Variants in SLAIN1 observed in about 807,000 individuals in gnomAD.
SLAIN1 encodes SLAIN motif-containing protein 1.
Under a neutral mutation model 55.4 loss-of-function variants are expected in SLAIN1, and 17 were observed. That is an observed-to-expected ratio of 0.31 (90% CI 0.21 to 0.46). The LOEUF (loss-of-function observed/expected upper bound fraction) is 0.46. SLAIN1 is among the 20% of genes least tolerant of loss of function. The probability of loss-of-function intolerance (pLI) is 1.00; values close to 1 mark genes in which losing one functional copy is unlikely to be tolerated. For synonymous variants in SLAIN1, 348 were observed against 337.4 expected, an observed-to-expected ratio of 1.03 and a Z score of -0.35; for missense variants, 682 against 785.1, an observed-to-expected ratio of 0.87 and a Z score of 1.57.
At chr13:77,760,326 A>G (rs1874914062) in intron 5 of SLAIN1, among the ~76,000 whole-genome samples, 1 of 152,200 alleles carries the variant, frequency 6.6e-6, no homozygotes, top group Non-Finnish European at 1.5e-5. Flanking sequence ...AAATGTAATA[A>G]TGCCCAGCAA....
At chr13:77,749,899 A>G (rs1163800698) in intron 4 of SLAIN1, among the ~76,000 whole-genome samples, 1 of 152,198 alleles carries the variant, frequency 6.6e-6, no homozygotes, top group Non-Finnish European at 1.5e-5. Context: ...TGTTGCTTAA[A>G]TATGAGTAAA....
chr13:77,697,923 G>C lies in SLAIN1; in HGVS notation c.10G>C (p.Glu4Gln). Residue 4 changes from glutamate (E) to glutamine (Q), a missense_variant, in exon 1 of 7, where the codon GAG becomes CAG. By Grantham distance (29) the Glu-to-Gln change is conservative. Coordinates refer to ENST00000418532, the MANE Select transcript of SLAIN1 (RefSeq NM_001242868.2). ...GCCCTCGGGGCCCACGATGATGGCG[G>C]AGCAGGTGAAATGCGCCTCGGCAGG... MMA[E>Q]QVKCASAGVS... The C allele has an allele frequency of 7.1e-7, 1 of 1,414,250 alleles. No homozygotes were observed. 87.6% of individuals were successfully genotyped at this position (1,414,250 alleles called of 1,614,324 possible).
rs2090998800 is a variant in SLAIN1 at position 77,698,639 on chromosome 13, C to G, written c.626+100C>G. 1.5e-6 allele frequency: 2 copies of G among 1,307,624 alleles called. No individual in the cohort carries two copies. Among genetic ancestry groups the G allele is most frequent in the African/African-American group, 3.1e-5 (2 of 65,034 alleles). The allele number at this position is 1,307,624 out of a possible 1,614,324, so 81.0% of individuals were successfully genotyped here. On this transcript the variant is annotated intron_variant, in intron 1 of 6. Transcript: ENST00000418532. The surrounding 1 kb of genome is among the most constrained non-coding windows in gnomAD (Gnocchi z 4.1). ...GCGGACGGGGGTCCCCTCGCGGCAG[C>G]CGGGGTGACTCCCCGCGGCTCCCGG... is the stretch of plus-strand genomic sequence containing the variant.
At chr13:77,743,100 A>G (rs1296044228) in intron 2 of SLAIN1, 1 of 1,303,442 alleles carries the variant, frequency 7.7e-7, no homozygotes, top group Non-Finnish European at 1.0e-6. Context: ...CCTTATAGCA[A>G]TGGCATTAAT....
At chr13:77,746,931 T>G (rs1873868889) in intron 4 of SLAIN1, 76 bp downstream of exon 4, 1 of 1,304,036 alleles carries the variant, frequency 7.7e-7, no homozygotes, top group Non-Finnish European at 1.1e-6. Flanking sequence ...TTTTGTGTTT[T>G]TGTTTTTGTT....
Position 77,763,667 on chromosome 13 carries a change from GT to G in SLAIN1, c.*450del, listed in dbSNP as rs1875237094. 6.5e-6 allele frequency: 1 copy of G among 153,618 alleles called. No individual in the cohort carries two copies. Among genetic ancestry groups the G allele is most frequent in the African/African-American group, 2.4e-5 (1 of 41,434 alleles). 9.5% of individuals were successfully genotyped at this position (153,618 alleles called of 1,614,324 possible). On this transcript the variant is annotated 3_prime_UTR_variant, in exon 7 of 7. Coordinates refer to ENST00000418532, the MANE Select transcript of SLAIN1 (RefSeq NM_001242868.2). Reference sequence around the variant, plus strand: ...ATGCTTTGAAATTTACTTTTTTATAGTTTACAGGAATTTTATTTTTTGTGCC... The same window carrying G: ...ATGCTTTGAAATTTACTTTTTTATAGTTACAGGAATTTTATTTTTTGTGCC...
At chr13:77,735,079 C>T (rs1212300229) in intron 2 of SLAIN1, among the ~76,000 whole-genome samples, 1 of 151,906 alleles carries the variant, frequency 6.6e-6, no homozygotes, top group Non-Finnish European at 1.5e-5. Flanking sequence ...GTTTTTGCTA[C>T]AACTTGCTAT....
Position 77,761,000 on chromosome 13 carries a change from G to GAAC in SLAIN1, c.1590_1592dup (p.Asn530dup). ...ATTCCAACACAGGAATCCCCACACC[G>GAAC]AACAAAGCTGCAGCTTCTGGGATAA... On this transcript the variant is annotated inframe_insertion, in exon 6 of 7. Transcript: ENST00000418532. 1.2e-6 allele frequency: 2 copies of GAAC among 1,614,118 alleles called. No individual in the cohort carries two copies. Among genetic ancestry groups the GAAC allele is most frequent in the African/African-American group, 1.3e-5 (1 of 75,018 alleles).
At chr13:77,744,589 C>A in intron 3 of SLAIN1, 157 bp downstream of exon 3, 1 of 1,111,232 alleles carries the variant, frequency 9.0e-7, no homozygotes, top group South Asian at 1.4e-5. Flanking sequence ...ATATGCTTCT[C>A]ACACTATCAT....
chr13:77,756,267 T>C (rs1470379407), intron 5 of SLAIN1, among the ~76,000 whole-genome samples: 1 of 152,032 alleles, frequency 6.6e-6, no homozygotes, highest in African/African-American at 2.4e-5. Flanking sequence ...TCAAATGAAA[T>C]TGGTTGGCAT....
At chr13:77,762,927 A>G (rs374480108) in intron 6 of SLAIN1, among the ~76,000 whole-genome samples, 19 of 152,272 alleles carry the variant, frequency 1.2e-4, no homozygotes, top group East Asian at 1.2e-3. Flanking sequence ...TCTTGTGCAA[A>G]TACAACATGC....
In SLAIN1 at chr13:77,712,954, T is replaced by C. The variant is rs2091167891; in HGVS notation, c.627-6578T>C. ...TGACAAACCTGACCAAAACAAGTAA[T>C]GGGGAAAGGATTCCCTATTTAATAA... On this transcript the variant is annotated intron_variant, in intron 1 of 6. Coordinates refer to ENST00000418532, the MANE Select transcript of SLAIN1 (RefSeq NM_001242868.2). Among the ~76,000 whole-genome samples the C allele has an allele frequency of 2.0e-5, 3 of 152,010 alleles. 1 individual carries two copies. In the South Asian group the frequency reaches 6.2e-4, roughly 31 times the overall value.
intron 2 of SLAIN1, among the ~76,000 whole-genome samples, chr13:77,733,624 A>G (rs1466686769): frequency 6.6e-6 from 1 of 152,164 alleles, no homozygotes; most frequent in Non-Finnish European, 1.5e-5. Context: ...ACTTTGATTG[A>G]ATCGTCCCTA....
intron 2 of SLAIN1, among the ~76,000 whole-genome samples, chr13:77,729,928 T>A (rs567362983): frequency 6.6e-6 from 1 of 152,206 alleles, no homozygotes; most frequent in Non-Finnish European, 1.5e-5. Flanking sequence ...TGTCCGTGTG[T>A]CCATCTGTTC....
chr13:77,746,269 A>G (rs1873806314), intron 3 of SLAIN1, among the ~76,000 whole-genome samples: 1 of 152,160 alleles, frequency 6.6e-6, no homozygotes, highest in Non-Finnish European at 1.5e-5. Flanking sequence ...TGGCAGGTAT[A>G]TATAATCCTC....
chr13:77,709,406 C>A (rs1489038224), intron 1 of SLAIN1, among the ~76,000 whole-genome samples: 1 of 152,056 alleles, frequency 6.6e-6, no homozygotes, highest in Non-Finnish European at 1.5e-5. Context: ...AGGAAATACA[C>A]AGAACACAAC....
At position 77,697,808 on chromosome 13, in the gene SLAIN1, C is replaced by T; in HGVS notation, c.-106C>T. The T allele has an allele frequency of 2.6e-6, 3 of 1,137,980 alleles. No individual in the cohort carries two copies. Among genetic ancestry groups the T allele is most frequent in the Non-Finnish European group, 3.3e-6 (3 of 920,848 alleles). 70.5% of individuals were successfully genotyped at this position (1,137,980 alleles called of 1,614,324 possible). On this transcript the variant is annotated 5_prime_UTR_variant, in exon 1 of 7. Coordinates refer to ENST00000418532, the MANE Select transcript of SLAIN1 (RefSeq NM_001242868.2). ...CGGCCTCAGCCCGCGCGTGGTCGGC[C>T]CCCCAGGCCGGGGCGACAGGGAAGG...
rs2090997610 is a variant in SLAIN1 at position 77,698,564 on chromosome 13, C to G, written c.626+25C>G. 2 of 1,395,282 alleles carry G rather than the reference C, an allele frequency of 1.4e-6. No individual in the cohort carries two copies. Among genetic ancestry groups the G allele is most frequent in the Non-Finnish European group, 1.8e-6 (2 of 1,081,944 alleles). The allele number at this position is 1,395,282 out of a possible 1,614,324, so 86.4% of individuals were successfully genotyped here. A position where few individuals can be genotyped will look rare whatever the true frequency, so the allele number is the denominator to read the frequency against. On this transcript the variant is annotated intron_variant, in intron 1 of 6. Transcript: ENST00000418532. This position sits in a 1 kb window ranked among gnomAD's most constrained non-coding sequence, Gnocchi z 4.1. ...GGTACTGCCTGGCTCCGCTCCTTCCCCGAGACCCTGGCCTCGGGGGCTTCG... is the reference window on the plus strand; with the variant it reads ...GGTACTGCCTGGCTCCGCTCCTTCCGCGAGACCCTGGCCTCGGGGGCTTCG...
intron 1 of SLAIN1, among the ~76,000 whole-genome samples, chr13:77,708,252 C>A (rs1378720459): frequency 1.3e-5 from 2 of 152,024 alleles, no homozygotes; most frequent in Admixed American, 6.5e-5. Context: ...GTGGTGTTCC[C>A]CTACAAACAA....
Sources: gnomAD v4.1 joint callset for allele counts (sites outside exome capture counted in the v4.1 genomes callset) on GRCh38, gnomAD v4.1.1 for gene constraint, Gnocchi (gnomAD v3.1) non-coding constraint, MANE v1.5 for transcripts, NCBI Gene and HGNC (gene_info 2026-07-23, HGNC 2026-07-21) for gene names.